SCN1A: variants seen among roughly 807,000 people sequenced by gnomAD.
SCN1A encodes sodium channel protein type 1 subunit alpha.
Under a neutral mutation model 193.7 loss-of-function variants are expected in SCN1A, and 13 were observed. The ratio of observed to expected loss-of-function variants is 0.07; its 90% CI spans 0.04 to 0.11. The LOEUF (loss-of-function observed/expected upper bound fraction) is 0.11, where lower values mean the gene tolerates loss of function less well. Among genes scored for constraint, SCN1A ranks in the 10% least tolerant of loss-of-function variants. SCN1A has a pLI of 1.00. For missense variants in SCN1A, 1,432 were observed against 2,451.1 expected (o/e 0.58, Z 8.78); for synonymous variants, 781 against 843.6 (o/e 0.93, Z 1.29).
upstream of SCN1A, among the ~76,000 whole-genome samples, chr2:166,131,386 CT>C (rs1558909524): frequency 6.9e-6 from 1 of 144,042 alleles, no homozygotes; most frequent in Admixed American, 6.7e-5. Context: ...AAGACTCCGT[CT>C]CTGTAAGACT....
At chr2:166,104,976 G>T (rs950465129) in intron 2 of SCN1A, among the ~76,000 whole-genome samples, 1 of 152,136 alleles carries the variant, frequency 6.6e-6, no homozygotes, top group East Asian at 1.9e-4. Flanking sequence ...AAGAAATGAC[G>T]TAATTTCTCA....
chr2:166,126,654 A>T (rs1452320884), intron 2 of SCN1A, among the ~76,000 whole-genome samples: 21 of 152,212 alleles, frequency 1.4e-4, no homozygotes, highest in Non-Finnish European at 1.5e-5. Flanking sequence ...GAACCTGTAA[A>T]TCCATAGAAG....
rs1176109880 is a variant in SCN1A, at chr2:165,989,206, T to C, written c.*2039A>G. 6.6e-6 allele frequency: 1 copy of C among 152,584 alleles called. No homozygotes were observed. The highest frequency in any genetic ancestry group is 1.5e-5 in the Non-Finnish European group (1 of 68,022). 9.5% of individuals were successfully genotyped at this position (152,584 alleles called of 1,614,324 possible). A position where few individuals can be genotyped will look rare whatever the true frequency, so the allele number is the denominator to read the frequency against. ...TATTAGTTTTGCACATTTTAAATGT[T>C]GGTTAGCATTATTTAGCATAATAGT... On this transcript the variant is annotated 3_prime_UTR_variant, in exon 29 of 29. Coordinates refer to ENST00000674923, the MANE Select transcript of SCN1A (RefSeq NM_001165963.4).
rs747749169 is a variant in SCN1A at position 165,986,119 on chromosome 2, G to T, written c.*5126C>A. 1 of 151,952 alleles carries T rather than the reference G, an allele frequency of 6.6e-6. No individual in the cohort carries two copies. The highest frequency in any genetic ancestry group is 1.5e-5 in the Non-Finnish European group (1 of 67,974). The allele number at this position is 151,952 out of a possible 1,614,324, so 9.4% of individuals were successfully genotyped here. ...ATTAAAACCAATGACCCATTATCAC[G>T]TATTCTCACCATCATTTCCAAAGAA... On this transcript the variant is annotated 3_prime_UTR_variant, in exon 29 of 29. Coordinates refer to ENST00000674923, the MANE Select transcript of SCN1A (RefSeq NM_001165963.4).
upstream of SCN1A, among the ~76,000 whole-genome samples, chr2:166,129,373 C>T (rs375110843): frequency 2.0e-5 from 3 of 152,162 alleles, no homozygotes; most frequent in East Asian, 3.8e-4. Flanking sequence ...CATTTACTAG[C>T]CCTTAATTAT....
At chr2:166,055,874 G>C (rs757243973) in intron 6 of SCN1A, among the ~76,000 whole-genome samples, 1 of 151,954 alleles carries the variant, frequency 6.6e-6, no homozygotes, top group Non-Finnish European at 1.5e-5. Context: ...TGTTAGTTTA[G>C]TCTTCAGTCT....
chr2:166,043,354 C>A (rs973198241), intron 14 of SCN1A, among the ~76,000 whole-genome samples: 2 of 152,190 alleles, frequency 1.3e-5, no homozygotes, highest in African/African-American at 4.8e-5. Context: ...CATTTACTTT[C>A]ATACCAGAGC....
At chr2:166,004,384 A>G (rs1404777768) in intron 23 of SCN1A, among the ~76,000 whole-genome samples, 1 of 151,482 alleles carries the variant, frequency 6.6e-6, no homozygotes, top group East Asian at 2.0e-4. Flanking sequence ...CTGATTATCT[A>G]TACCTATTTC....
At chr2:166,135,557 C>T (rs1452510307) in intron 1 of SCN1A, among the ~76,000 whole-genome samples, 1 of 152,168 alleles carries the variant, frequency 6.6e-6, no homozygotes, top group East Asian at 1.9e-4. Flanking sequence ...CATCTGTATG[C>T]AGTTCCAATC....
At chr2:166,084,470 T>C (rs1685882224) in intron 2 of SCN1A, among the ~76,000 whole-genome samples, 1 of 152,154 alleles carries the variant, frequency 6.6e-6, no homozygotes, top group African/African-American at 2.4e-5. Flanking sequence ...CCAGGAGTTA[T>C]GTAGCTATAA....
At chr2:166,000,863 T>C (rs945559666) in intron 24 of SCN1A, among the ~76,000 whole-genome samples, 3 of 149,330 alleles carry the variant, frequency 2.0e-5, no homozygotes, top group Admixed American at 6.7e-5. Context: ...GGTGATTCTA[T>C]AAAAGCCAAA....
In SCN1A at chr2:166,043,553, G is replaced by T. The variant is rs1311114122; in HGVS notation, c.2043+116C>A. 2.5e-5 allele frequency: 28 copies of T among 1,110,452 alleles called. No individual in the cohort carries two copies. In the South Asian group the frequency reaches 4.0e-4, roughly 16 times the overall value. The allele number at this position is 1,110,452 out of a possible 1,614,324, so 68.8% of individuals were successfully genotyped here. ...CTATTAAAGATATTACAAGATGCAGGTGCATTCACAGCGTGACCAACCAGG... is the reference window on the plus strand; with the variant it reads ...CTATTAAAGATATTACAAGATGCAGTTGCATTCACAGCGTGACCAACCAGG... On this transcript the variant is annotated intron_variant, in intron 14 of 28. Coordinates refer to ENST00000674923, the MANE Select transcript of SCN1A (RefSeq NM_001165963.4).
At chr2:166,010,984 A>G (rs1692366859) in intron 22 of SCN1A, among the ~76,000 whole-genome samples, 1 of 151,218 alleles carries the variant, frequency 6.6e-6, no homozygotes. Context: ...AAAGGGTTAA[A>G]TTACATTTAG....
At chr2:166,102,420 C>G (rs534176752) in intron 2 of SCN1A, among the ~76,000 whole-genome samples, 1 of 149,394 alleles carries the variant, frequency 6.7e-6, no homozygotes, top group African/African-American at 2.5e-5. Context: ...GGCGTGAACC[C>G]AGGAGGCGGA....
intron 2 of SCN1A, among the ~76,000 whole-genome samples, chr2:166,106,073 G>C (rs755102525): frequency 1.3e-5 from 2 of 152,210 alleles, no homozygotes; most frequent in Non-Finnish European, 2.9e-5. Flanking sequence ...TGTAGTCCCA[G>C]CTACTCAGGA....
intron 1 of SCN1A, among the ~76,000 whole-genome samples, 153 bp downstream of exon 1, chr2:166,127,615 AGAG>A (rs1213224983): frequency 6.6e-6 from 1 of 151,152 alleles, no homozygotes; most frequent in Non-Finnish European, 1.5e-5. Context: ...GGGGAGGAGA[AGAG>A]GAGGAGAGGG....
chr2:166,074,808 G>T (rs1164137363), intron 3 of SCN1A, among the ~76,000 whole-genome samples: 1 of 152,130 alleles, frequency 6.6e-6, no homozygotes, highest in Non-Finnish European at 1.5e-5. Flanking sequence ...TAAGAAAATT[G>T]CAGGCATAAT....
Position 166,054,757 on chromosome 2 carries a change from G to A in SCN1A, c.483C>T (p.Phe161=). 1.9e-6 allele frequency: 3 copies of A among 1,610,830 alleles called. No individual in the cohort carries two copies. Among genetic ancestry groups the A allele is most frequent in the Non-Finnish European group, 2.5e-6 (3 of 1,177,878 alleles). The change falls in exon 7 of 29, where the codon TTC becomes TTT. Residue 161 remains phenylalanine (F), a synonymous_variant. Transcript: ENST00000674923. ...GTGATTCAAAAGTATATATTCCTGT[G>A]AAGGTGTATCTGAAAACAAGCATCC... The part of the protein sequence containing the change: ...PDWTKNVEYT[F]TGIYTFESLI...
Position 165,986,331 on chromosome 2 carries a change from G to A in SCN1A, c.*4914C>T, listed in dbSNP as rs1573925159. On this transcript the variant is annotated 3_prime_UTR_variant, in exon 29 of 29. Transcript: ENST00000674923. ...GTGCTGCTCTGTGGAGCTGTGTTTG[G>A]AATTACTATTTATACCCACAGTGTC... 6.6e-6 allele frequency: 1 copy of A among 152,122 alleles called. No homozygotes were observed. Among genetic ancestry groups the A allele is most frequent in the East Asian group, 1.9e-4 (1 of 5,182 alleles). 9.4% of individuals were successfully genotyped at this position (152,122 alleles called of 1,614,324 possible). A position where few individuals can be genotyped will look rare whatever the true frequency, so the allele number is the denominator to read the frequency against.
Sources: allele counts gnomAD v4.1 joint callset (sites outside exome capture counted in the v4.1 genomes callset), GRCh38; gene constraint gnomAD v4.1.1; transcripts MANE v1.5; gene names NCBI Gene and HGNC (gene_info 2026-07-23, HGNC 2026-07-21).